The following LNPK variants were observed in gnomAD, a reference collection of about 807,000 sequenced individuals.
LNPK encodes the protein endoplasmic reticulum junction formation protein lunapark.
A neutral mutation model predicts 55.2 loss-of-function variants in LNPK; 29 were observed. That is an observed-to-expected ratio of 0.53 (90% CI 0.39 to 0.72). The LOEUF (loss-of-function observed/expected upper bound fraction) is 0.72, where lower values mean the gene tolerates loss of function less well. LNPK is among the 30% of genes least tolerant of loss of function. The probability of loss-of-function intolerance (pLI) is 0.00; values close to 1 mark genes in which losing one functional copy is unlikely to be tolerated. For synonymous variants in LNPK, 162 were observed against 168.2 expected, an observed-to-expected ratio of 0.96 and a Z score of 0.29; for missense variants, 467 against 494.8, an observed-to-expected ratio of 0.94 and a Z score of 0.53.
chr2:175,956,361 A>T (rs975261455), intron 8 of LNPK, among the ~76,000 whole-genome samples: 1 of 151,722 alleles, frequency 6.6e-6, no homozygotes, highest in African/African-American at 2.4e-5. Context: ...ATTTACTCCT[A>T]TGGTGATAAC....
intron 8 of LNPK, among the ~76,000 whole-genome samples, chr2:175,962,369 G>C (rs531051786): frequency 2.6e-5 from 4 of 152,118 alleles, no homozygotes; most frequent in Non-Finnish European, 4.4e-5. Context: ...TAGACCAATG[G>C]AACAGAACAG....
intron 9 of LNPK, among the ~76,000 whole-genome samples, chr2:175,942,268 T>C (rs1684888078): frequency 6.6e-6 from 1 of 152,184 alleles, no homozygotes; most frequent in Non-Finnish European, 1.5e-5. Flanking sequence ...TTAAAGTATA[T>C]GGAAGGATAT....
chr2:175,964,873 AATCT>A (rs967681389), intron 6 of LNPK, among the ~76,000 whole-genome samples: 6 of 152,160 alleles, frequency 3.9e-5, no homozygotes, highest in African/African-American at 1.2e-4. Flanking sequence ...AATGTGCAAA[AATCT>A]ATCAGCCATC....
At position 175,937,431 on chromosome 2, in the gene LNPK, C is replaced by T; in HGVS notation, c.967G>A (p.Glu323Lys). The change falls in exon 12 of 13, where the codon GAG becomes AAG. Residue 323 changes from glutamate (E) to lysine (K), a missense_variant. Physicochemically the swap from Glu to Lys is moderately conservative, Grantham distance 56. Transcript: ENST00000272748. The part of the protein sequence containing the change: ...QAPRLPEFSF[E>K]KRQVVEGSSS... Reference sequence around the variant, plus strand: ...GAACCTTCCACCACCTGCCTCTTCTCAAAACTAAACTCAGGAAGTCTTGGA... The same window carrying T: ...GAACCTTCCACCACCTGCCTCTTCTTAAAACTAAACTCAGGAAGTCTTGGA... 1 of 1,613,750 alleles carries T rather than the reference C, an allele frequency of 6.2e-7. No homozygotes were observed. Among genetic ancestry groups the T allele is most frequent in the South Asian group, 1.1e-5 (1 of 91,056 alleles).
intron 12 of LNPK, among the ~76,000 whole-genome samples, chr2:175,931,116 G>T (rs1040919411): frequency 6.6e-6 from 1 of 152,070 alleles, no homozygotes; most frequent in South Asian, 2.1e-4. Context: ...TAGCTTTAAG[G>T]TATTTCTTTG....
chr2:175,938,245 T>A, intron 11 of LNPK, 68 bp downstream of exon 11: 3 of 979,398 alleles, frequency 3.1e-6, no homozygotes, highest in Non-Finnish European at 4.8e-6. Context: ...TGACACTGCA[T>A]AGAAAATGGC....
At chr2:175,950,855 T>C (rs1402441380) in intron 8 of LNPK, among the ~76,000 whole-genome samples, 3 of 152,146 alleles carry the variant, frequency 2.0e-5, no homozygotes, top group African/African-American at 4.8e-5. Context: ...AAATAGTGCA[T>C]ATCTAAAGGT....
intron 5 of LNPK, 132 bp downstream of exon 5, chr2:175,979,678 G>A: frequency 3.0e-6 from 2 of 674,962 alleles, no homozygotes; most frequent in Non-Finnish European, 4.5e-6. Context: ...CCTTTCTCAT[G>A]CTTTATAATA....
At chr2:175,987,299 C>T (rs755723878) in intron 4 of LNPK, among the ~76,000 whole-genome samples, 2 of 152,058 alleles carry the variant, frequency 1.3e-5, no homozygotes, top group African/African-American at 4.8e-5. Flanking sequence ...ATAGACTGGA[C>T]TAAGAAAATG....
In LNPK at chr2:175,946,849, A is replaced by G. The variant is rs532075944; in HGVS notation, c.706+631T>C. Reference sequence around the variant, plus strand: ...GACTTCCATGCCCCAGTCACACTCCAAAAGAAACTGGAGGGTACTATAGTC... The same window carrying G: ...GACTTCCATGCCCCAGTCACACTCCGAAAGAAACTGGAGGGTACTATAGTC... On this transcript the variant is annotated intron_variant, in intron 9 of 12. Transcript: ENST00000272748. Among the ~76,000 whole-genome samples the G allele has an allele frequency of 3.3e-5, 5 of 152,302 alleles. No homozygotes were observed. The South Asian group carries it at 8.3e-4, about 25-fold the overall frequency.
At chr2:175,997,801 T>A (rs1052275368) in intron 1 of LNPK, among the ~76,000 whole-genome samples, 5 of 151,498 alleles carry the variant, frequency 3.3e-5, no homozygotes, top group African/African-American at 1.2e-4. Flanking sequence ...AGTGGTGCGA[T>A]CTTGGCTCAA....
chr2:175,966,747 T>C (rs1375703416), intron 6 of LNPK, among the ~76,000 whole-genome samples: 2 of 152,220 alleles, frequency 1.3e-5, no homozygotes, highest in South Asian at 2.1e-4. Context: ...GAACATGAAT[T>C]TGAAACTTCA....
intron 8 of LNPK, among the ~76,000 whole-genome samples, chr2:175,952,319 G>A (rs1349819788): frequency 6.6e-6 from 1 of 151,690 alleles, no homozygotes; most frequent in African/African-American, 2.4e-5. Flanking sequence ...GAAACTCTTA[G>A]GGTGAATTTT....
At chr2:175,945,510 G>GAAAAA (rs758611547) in intron 9 of LNPK, among the ~76,000 whole-genome samples, 7 of 105,118 alleles carry the variant, frequency 6.7e-5, no homozygotes, top group African/African-American at 1.1e-4. Context: ...TGTCTCAAAA[G>GAAAAA]AAAAAAAAAA....
chr2:175,994,462 A>T (rs1048410993), intron 2 of LNPK, among the ~76,000 whole-genome samples: 5 of 152,226 alleles, frequency 3.3e-5, no homozygotes, highest in African/African-American at 9.6e-5. Context: ...GTAAAAAAAA[A>T]TAAGTAGTTT....
At chr2:175,957,341 C>T (rs540493001) in intron 8 of LNPK, among the ~76,000 whole-genome samples, 1 of 152,000 alleles carries the variant, frequency 6.6e-6, no homozygotes, top group African/African-American at 2.4e-5. Flanking sequence ...CTGGGTGATA[C>T]AGTGAGACTT....
At chr2:175,930,524 C>A (rs1684231121) in intron 12 of LNPK, among the ~76,000 whole-genome samples, 1 of 152,160 alleles carries the variant, frequency 6.6e-6, no homozygotes, top group Non-Finnish European at 1.5e-5. Context: ...ATCATAGTCC[C>A]AACAGAATTA....
intron 4 of LNPK, among the ~76,000 whole-genome samples, chr2:175,983,986 C>A (rs1362411467): frequency 6.6e-6 from 1 of 150,892 alleles, no homozygotes; most frequent in Admixed American, 6.6e-5. Flanking sequence ...AAAATCTTCA[C>A]AACCTGTAGC....
chr2:175,966,211 G>A (rs1003052636), intron 6 of LNPK, among the ~76,000 whole-genome samples: 10 of 152,134 alleles, frequency 6.6e-5, no homozygotes, highest in South Asian at 4.2e-4. Context: ...TTACAGATGC[G>A]CGCCACCACA....
Sources: gnomAD v4.1 joint callset for allele counts (sites outside exome capture counted in the v4.1 genomes callset) on GRCh38, gnomAD v4.1.1 for gene constraint, MANE v1.5 for transcripts, NCBI Gene and HGNC (gene_info 2026-07-23, HGNC 2026-07-21) for gene names.